Variants in PITRM1 observed in about 807,000 individuals in gnomAD.
PITRM1 encodes the protein pitrilysin metallopeptidase 1.
Under a neutral mutation model 129.9 loss-of-function variants are expected in PITRM1, and 100 were observed. The ratio of observed to expected loss-of-function variants is 0.77; its 90% CI spans 0.65 to 0.91. The LOEUF is 0.91. Ranked by LOEUF, PITRM1 falls within the 40% of genes least tolerant of loss-of-function variation. The pLI is 0.00. For missense variants in PITRM1, 1,471 were observed against 1,318.3 expected (o/e 1.12, Z -1.79); for synonymous variants, 591 against 508.8 (o/e 1.16, Z -2.17).
intron 15 of PITRM1, 82 bp downstream of exon 15, chr10:3,151,165 G>T: frequency 1.3e-6 from 1 of 780,008 alleles, no homozygotes; most frequent in Admixed American, 2.0e-5. Flanking sequence ...TCCAAGACAT[G>T]ACTCTACTGC....
intron 24 of PITRM1, among the ~76,000 whole-genome samples, chr10:3,139,918 T>A (rs1840010506): frequency 1.3e-5 from 2 of 152,308 alleles, no homozygotes; most frequent in East Asian, 3.9e-4. Context: ...CGGTGTTATG[T>A]TTATGAAAGC....
At chr10:3,167,223 G>T (rs1588719367) in intron 2 of PITRM1, among the ~76,000 whole-genome samples, 181 bp from the exon 3 acceptor site, 1 of 151,498 alleles carries the variant, frequency 6.6e-6, no homozygotes, top group South Asian at 2.1e-4. Context: ...CTACAAACAA[G>T]GAAAGACAGA....
At chr10:3,161,199 C>T (rs1366544077) in intron 7 of PITRM1, among the ~76,000 whole-genome samples, 1 of 152,142 alleles carries the variant, frequency 6.6e-6, no homozygotes, top group Non-Finnish European at 1.5e-5. Context: ...AGCCAAAAAT[C>T]GATCTTACAT....
At chr10:3,166,140 C>T (rs1465679304) in intron 4 of PITRM1, 89 bp downstream of exon 4, 2 of 1,124,768 alleles carry the variant, frequency 1.8e-6, no homozygotes, top group Non-Finnish European at 2.5e-6. Flanking sequence ...ATTGCCCACT[C>T]CCCTCATTCC....
intron 2 of PITRM1, among the ~76,000 whole-genome samples, chr10:3,167,359 A>C (rs1003048222): frequency 1.3e-5 from 2 of 152,202 alleles, no homozygotes; most frequent in African/African-American, 4.8e-5. Context: ...TTTATTTTTT[A>C]AATTTTTTAT....
chr10:3,138,209 C>G (rs566522287), intron 26 of PITRM1, 26 bp downstream of exon 26: 6 of 1,595,972 alleles, frequency 3.8e-6, no homozygotes, highest in African/African-American at 1.3e-5. Context: ...CAGTCCCAGA[C>G]GCTGTCTCCC....
chr10:3,157,240 C>T, intron 12 of PITRM1, 176 bp from the exon 13 acceptor site: 1 of 703,470 alleles, frequency 1.4e-6, no homozygotes, highest in Non-Finnish European at 2.2e-6. Context: ...TTACTTTAGC[C>T]CTGTTTTGTT....
intron 26 of PITRM1, 31 bp downstream of exon 26, chr10:3,138,204 C>G: frequency 5.0e-6 from 8 of 1,594,762 alleles, no homozygotes; most frequent in Non-Finnish European, 6.9e-6. Flanking sequence ...GCTTCCAGTC[C>G]CAGACGCTGT....
intron 14 of PITRM1, among the ~76,000 whole-genome samples, chr10:3,154,141 C>T (rs1841764082): frequency 6.6e-6 from 1 of 152,242 alleles, no homozygotes; most frequent in African/African-American, 2.4e-5. Flanking sequence ...AGGATGTCAT[C>T]TGGCACCCGG....
At chr10:3,141,006 A>C (rs1840136714) in intron 23 of PITRM1, among the ~76,000 whole-genome samples, 194 bp from the exon 24 acceptor site, 1 of 152,174 alleles carries the variant, frequency 6.6e-6, no homozygotes, top group Non-Finnish European at 1.5e-5. Flanking sequence ...CATTAGTGCA[A>C]TCACAGCTCA....
At position 3,158,146 on chromosome 10, in the gene PITRM1, C is replaced by T; in HGVS notation, c.1144G>A (p.Gly382Ser). ...CTAAAGTAGGCCTCCCTCGTGTAGC[C>T]ATTATATCTAGAAGACAAAACCAGA... ...TDFSPDVGYNGYTREAYFSVG... is the reference protein window; with the variant it reads ...TDFSPDVGYNSYTREAYFSVG... Residue 382 changes from glycine to serine, a missense_variant, in exon 11 of 27, where the codon GGC becomes AGC. By Grantham distance (56) the Gly-to-Ser change is moderately conservative. Coordinates refer to ENST00000224949, the MANE Select transcript of PITRM1 (RefSeq NM_014889.4). The T allele has an allele frequency of 6.3e-7, 1 of 1,580,478 alleles. No homozygotes were observed.
At chr10:3,156,215 T>C (rs1312873739) in intron 13 of PITRM1, among the ~76,000 whole-genome samples, 1 of 152,210 alleles carries the variant, frequency 6.6e-6, no homozygotes, top group Non-Finnish European at 1.5e-5. Context: ...CATGTTGACG[T>C]TAATATAAAA....
intron 14 of PITRM1, among the ~76,000 whole-genome samples, chr10:3,152,538 C>A (rs1436813786): frequency 1.3e-5 from 2 of 152,220 alleles, no homozygotes; most frequent in Non-Finnish European, 2.9e-5. Flanking sequence ...CCACTGTGGG[C>A]TCCAGCCCTT....
At chr10:3,165,862 A>G (rs1168629255) in intron 4 of PITRM1, among the ~76,000 whole-genome samples, 1 of 152,230 alleles carries the variant, frequency 6.6e-6, no homozygotes, top group Non-Finnish European at 1.5e-5. Context: ...CCGCTCTTCA[A>G]TGTCACTCCC....
In PITRM1 at chr10:3,140,774, A is replaced by G; in HGVS notation, c.2684T>C (p.Leu895Ser). The change falls in exon 24 of 27, where the codon TTG becomes TCG. Residue 895 changes from leucine (L) to serine (S), a missense_variant. Transcript: ENST00000224949. Reference protein sequence around the residue: ...ILARLMTAKFLHTEIREKGGA... With the variant: ...ILARLMTAKFSHTEIREKGGA... Reference sequence around the variant, plus strand: ...GCCTTTTTCTCGAATTTCTGTATGCAAGAATTTGGCAGTCATCAAACGTGC... The same window carrying G: ...GCCTTTTTCTCGAATTTCTGTATGCGAGAATTTGGCAGTCATCAAACGTGC... 1.9e-6 allele frequency: 3 copies of G among 1,592,554 alleles called. No homozygotes were observed. The highest frequency in any genetic ancestry group is 2.6e-6 in the Non-Finnish European group (3 of 1,168,188).
At chr10:3,160,766 G>T (rs12767475) in intron 7 of PITRM1, among the ~76,000 whole-genome samples, 93,269 of 148,030 alleles carry the variant, frequency 0.63, 29,378 homozygotes, top group Non-Finnish European at 0.67. Flanking sequence ...TTGGTGGGGG[G>T]TTTTTTTTTT....
In PITRM1 at chr10:3,159,945, T is replaced by C. The variant is rs1842307431; in HGVS notation, c.919-9A>G. The C allele has an allele frequency of 2.5e-6, 4 of 1,578,084 alleles. No homozygotes were observed. In the South Asian group the frequency reaches 4.6e-5, roughly 18 times the overall value. ...GTTATCTGGAATTCCCTCTGTAAAA[T>C]GACGTGACGTTGTGAGTAGGCACAG... On this transcript the variant is annotated splice_polypyrimidine_tract_variant and intron_variant, in intron 8 of 26. Transcript: ENST00000224949.
chr10:3,137,990 GT>G lies in PITRM1; in HGVS notation c.*40del. On this transcript the variant is annotated 3_prime_UTR_variant, in exon 27 of 27. Transcript: ENST00000224949. ...GACTTTTCATATTCAGCTCGGAGGT[GT>G]ATTGTCTCGGGCTCCTGTGCAGTCG... The G allele has an allele frequency of 1.8e-6, 2 of 1,140,810 alleles. No homozygotes were observed. The highest frequency in any genetic ancestry group is 2.6e-6 in the Non-Finnish European group (2 of 767,802). 70.7% of individuals were successfully genotyped at this position (1,140,810 alleles called of 1,614,324 possible). A position where few individuals can be genotyped will look rare whatever the true frequency, so the allele number is the denominator to read the frequency against.
chr10:3,151,433 T>C (rs1327254921), intron 14 of PITRM1, 70 bp from the exon 15 acceptor site: 3 of 920,156 alleles, frequency 3.3e-6, no homozygotes, highest in Non-Finnish European at 5.2e-6. Flanking sequence ...TTGTCTCCTA[T>C]GTTATTATCT....
Sources: allele counts gnomAD v4.1 joint callset (sites outside exome capture counted in the v4.1 genomes callset), GRCh38; gene constraint gnomAD v4.1.1; transcripts MANE v1.5; gene names NCBI Gene and HGNC (gene_info 2026-07-23, HGNC 2026-07-21).